Variants in MRPS26 observed in about 807,000 individuals in gnomAD.
MRPS26 encodes small ribosomal subunit protein mS26.
A neutral mutation model predicts 22.7 loss-of-function variants in MRPS26; 26 were observed. That is an observed-to-expected ratio of 1.15 (90% CI 0.84 to 1.59). MRPS26 has a LOEUF of 1.59. Ranked by LOEUF, MRPS26 falls within the 40% of genes most tolerant of loss-of-function variation. The pLI is 0.00. For synonymous variants in MRPS26, 120 were observed against 124.0 expected, an observed-to-expected ratio of 0.97 and a Z score of 0.22; for missense variants, 291 against 287.7, an observed-to-expected ratio of 1.01 and a Z score of -0.08.
At position 3,046,080 on chromosome 20, in the gene MRPS26, G is replaced by A; in HGVS notation, c.12G>A (p.Ala4=). Residue 4 remains alanine (A), a synonymous_variant, in exon 1 of 4, where the codon GCG becomes GCA. Transcript: ENST00000380325. ...GAGGAGACTCGGCCATGCTACGCGC[G>A]CTGAGCCGCCTGGGCGCGGGGACCC... MLR[A]LSRLGAGTPC... The A allele has an allele frequency of 6.6e-7, 1 of 1,520,476 alleles. No homozygotes were observed. The highest frequency in any genetic ancestry group is 2.5e-5 in the East Asian group (1 of 40,128). The allele number at this position is 1,520,476 out of a possible 1,614,324, so 94.2% of individuals were successfully genotyped here.
At position 3,046,207 on chromosome 20, in the gene MRPS26, G is replaced by A. The variant is rs1460023494; in HGVS notation, c.139G>A (p.Ala47Thr). ...SKIERVNMPP[A>T]VDPAEFFVLM... ...GATCGAGCGAGTGAACATGCCGCCC[G>A]CGGTGGACCCTGCGGAGTTCTTCGT... Residue 47 changes from alanine (A) to threonine (T), a missense_variant, in exon 1 of 4, where the codon GCG becomes ACG. Physicochemically the swap from Ala to Thr is moderately conservative, Grantham distance 58. Coordinates refer to ENST00000380325, the MANE Select transcript of MRPS26 (RefSeq NM_030811.4). 1.9e-6 allele frequency: 3 copies of A among 1,602,916 alleles called. No individual in the cohort carries two copies. Among genetic ancestry groups the A allele is most frequent in the Non-Finnish European group, 2.5e-6 (3 of 1,179,606 alleles).
chr20:3,046,220 C>G lies in MRPS26; in HGVS notation c.152C>G (p.Ala51Gly), dbSNP rs755538163. 6.2e-7 allele frequency: 1 copy of G among 1,604,418 alleles called. No individual in the cohort carries two copies. Among genetic ancestry groups the G allele is most frequent in the Admixed American group, 1.7e-5 (1 of 59,990 alleles). ...RVNMPPAVDP[A>G]EFFVLMERYQ... Reference sequence around the variant, plus strand: ...AACATGCCGCCCGCGGTGGACCCTGCGGAGTTCTTCGTGCTGATGGAGCGT... The same window carrying G: ...AACATGCCGCCCGCGGTGGACCCTGGGGAGTTCTTCGTGCTGATGGAGCGT... Residue 51 changes from alanine (A) to glycine (G), a missense_variant, in exon 1 of 4, where the codon GCG becomes GGG. By Grantham distance (60) the Ala-to-Gly change is moderately conservative. Transcript: ENST00000380325.
Position 3,048,064 on chromosome 20 carries a change from T to A in MRPS26, c.*195T>A. ...AACGCAGTGCCCTGTTCTGCCGGTG[T>A]GTACAGCCTCAGCGCACCAGGAGAC... On this transcript the variant is annotated 3_prime_UTR_variant, in exon 4 of 4. Transcript: ENST00000380325. The surrounding 1 kb of genome is among the most constrained non-coding windows in gnomAD (Gnocchi z 4.1). 1.6e-6 allele frequency: 1 copy of A among 607,246 alleles called. No individual in the cohort carries two copies. The highest frequency in any genetic ancestry group is 2.7e-6 in the Non-Finnish European group (1 of 374,922). 37.6% of individuals were successfully genotyped at this position (607,246 alleles called of 1,614,324 possible). A position where few individuals can be genotyped will look rare whatever the true frequency, so the allele number is the denominator to read the frequency against.
rs369416067 is a variant in MRPS26, at chr20:3,046,339, A to T, written c.213-34A>T. 8.1e-6 allele frequency: 13 copies of T among 1,606,278 alleles called. No individual in the cohort carries two copies. In the East Asian group the frequency reaches 1.1e-4, roughly 14 times the overall value. The stretch of plus-strand genomic sequence containing the variant: ...CGCTGGTGACGGTGGGAGTGGGCGG[A>T]GAGGGTGCTGATTCCTGGCGCGTCT... On this transcript the variant is annotated intron_variant, in intron 1 of 3. Transcript: ENST00000380325.
intron 3 of MRPS26, 123 bp from the exon 4 acceptor site, chr20:3,047,612 A>C (rs112001554): frequency 1.5e-6 from 2 of 1,376,906 alleles, no homozygotes. Context: ...CCTGGGTTCC[A>C]GGCATGCTTC....
Position 3,046,743 on chromosome 20 carries a change from C to T in MRPS26, c.483+6C>T. The T allele has an allele frequency of 7.8e-6, 12 of 1,537,960 alleles. No individual in the cohort carries two copies. The highest frequency in any genetic ancestry group is 1.0e-5 in the Non-Finnish European group (12 of 1,144,318). ...GGGAAGTGCTGCAGCTGCAGGTGGG[C>T]AACGTCTCCGGAGGGTGGGACTCCA... On this transcript the variant is annotated splice_donor_region_variant and intron_variant, in intron 3 of 3. Coordinates refer to ENST00000380325, the MANE Select transcript of MRPS26 (RefSeq NM_030811.4).
chr20:3,047,983 C>A lies in MRPS26; in HGVS notation c.*114C>A. On this transcript the variant is annotated 3_prime_UTR_variant, in exon 4 of 4. Transcript: ENST00000380325. Reference sequence around the variant, plus strand: ...GCTTATGAGGAAGGTTCAGCCTTATCCAGCACAGCCTTCACGTTTTGCCCT... The same window carrying A: ...GCTTATGAGGAAGGTTCAGCCTTATACAGCACAGCCTTCACGTTTTGCCCT... 7.7e-7 allele frequency: 1 copy of A among 1,294,450 alleles called. No individual in the cohort carries two copies. The highest frequency in any genetic ancestry group is 1.0e-6 in the Non-Finnish European group (1 of 972,108). The allele number at this position is 1,294,450 out of a possible 1,614,324, so 80.2% of individuals were successfully genotyped here. A position where few individuals can be genotyped will look rare whatever the true frequency, so the allele number is the denominator to read the frequency against.
At position 3,046,075 on chromosome 20, in the gene MRPS26, C is replaced by G. The variant is rs762334650; in HGVS notation, c.7C>G (p.Arg3Gly). 5.6e-5 allele frequency: 84 copies of G among 1,512,638 alleles called. No individual in the cohort carries two copies. The Middle Eastern group carries it at 8.5e-4, about 15-fold the overall frequency. The allele number at this position is 1,512,638 out of a possible 1,614,324, so 93.7% of individuals were successfully genotyped here. A position where few individuals can be genotyped will look rare whatever the true frequency, so the allele number is the denominator to read the frequency against. The change falls in exon 1 of 4, where the codon CGC becomes GGC. Residue 3 changes from arginine (R) to glycine (G), a missense_variant. Transcript: ENST00000380325. ML[R>G]ALSRLGAGTP... ...GCAGTGAGGAGACTCGGCCATGCTA[C>G]GCGCGCTGAGCCGCCTGGGCGCGGG...
rs538846585 is a variant in MRPS26, at chr20:3,047,190, C to T, written c.483+453C>T. ...CCGAAGCGGGCGTATCACTTGAGGT[C>T]GGGAGTTCGAGTCCAGCCTGGCCAA... On this transcript the variant is annotated intron_variant, in intron 3 of 3. Coordinates refer to ENST00000380325, the MANE Select transcript of MRPS26 (RefSeq NM_030811.4). 2.6e-5 allele frequency among the ~76,000 whole-genome samples: 4 copies of T among 152,132 alleles called. No individual in the cohort carries two copies. In the South Asian group the frequency reaches 8.3e-4, roughly 32 times the overall value.
At position 3,046,706 on chromosome 20, in the gene MRPS26, A is replaced by T; in HGVS notation, c.452A>T (p.Gln151Leu). 6.5e-7 allele frequency: 1 copy of T among 1,544,594 alleles called. No homozygotes were observed. Among genetic ancestry groups the T allele is most frequent in the Non-Finnish European group, 8.7e-7 (1 of 1,146,290 alleles). The change falls in exon 3 of 4, where the codon CAG becomes CTG. Residue 151 changes from glutamine (Q) to leucine (L), a missense_variant. By Grantham distance (113) the Gln-to-Leu change is moderately radical (BLOSUM62 -2). Coordinates refer to ENST00000380325, the MANE Select transcript of MRPS26 (RefSeq NM_030811.4). ...GCCGAAGAGGTGCAGGCCTGGGCGC[A>T]GCGCAAGGAGCGGGAAGTGCTGCAG... ...RKAEEVQAWAQRKEREVLQLQ... is the reference protein window; with the variant it reads ...RKAEEVQAWALRKEREVLQLQ...
rs1355091766 is a variant in MRPS26, at chr20:3,046,130, TGCTGCCAGCGCGCG to T, written c.65_78del (p.Leu22ProfsTer184). 1 of 1,588,302 alleles carries T rather than the reference TGCTGCCAGCGCGCG, an allele frequency of 6.3e-7. No homozygotes were observed. The highest frequency in any genetic ancestry group is 8.5e-7 in the Non-Finnish European group (1 of 1,175,360). ...CCGTGCAGGCCCCGGGCCCCTCTGG[TGCTGCCAGCGCGCG>T]GCCGCAAGACCCGCCACGACCCGCT... On this transcript the variant is annotated frameshift_variant, in exon 1 of 4. Transcript: ENST00000380325. LOFTEE classifies it high-confidence loss of function.
chr20:3,046,691 T>TG lies in MRPS26; in HGVS notation c.438dup (p.Gln147AlafsTer64). 6.5e-7 allele frequency: 1 copy of TG among 1,545,676 alleles called. No homozygotes were observed. Among genetic ancestry groups the TG allele is most frequent in the Non-Finnish European group, 8.7e-7 (1 of 1,146,540 alleles). On this transcript the variant is annotated frameshift_variant, in exon 3 of 4. Coordinates refer to ENST00000380325, the MANE Select transcript of MRPS26 (RefSeq NM_030811.4). LOFTEE classifies it high-confidence loss of function. ...GAGCAGGCCCGCAAGGCCGAAGAGG[T>TG]GCAGGCCTGGGCGCAGCGCAAGGAG...
rs778372833 is a variant in MRPS26, at chr20:3,046,230, C to G, written c.162C>G (p.Phe54Leu). Residue 54 changes from phenylalanine (F) to leucine (L), a missense_variant, in exon 1 of 4, where the codon TTC (phenylalanine) becomes TTG (leucine). Phe to Leu is a conservative substitution (Grantham distance 22). Transcript: ENST00000380325. ...CCGCGGTGGACCCTGCGGAGTTCTT[C>G]GTGCTGATGGAGCGTTACCAGCACT... ...MPPAVDPAEFFVLMERYQHYR... is the reference protein window; with the variant it reads ...MPPAVDPAEFLVLMERYQHYR... 1.0e-5 allele frequency: 16 copies of G among 1,605,564 alleles called. No homozygotes were observed. Among genetic ancestry groups the G allele is most frequent in the Non-Finnish European group, 1.2e-5 (14 of 1,179,630 alleles).
At position 3,046,468 on chromosome 20, in the gene MRPS26, G is replaced by A; in HGVS notation, c.308G>A (p.Arg103His). The A allele has an allele frequency of 6.3e-7, 1 of 1,588,450 alleles. No homozygotes were observed. The highest frequency in any genetic ancestry group is 1.8e-5 in the Admixed American group (1 of 55,728). The change falls in exon 2 of 4, where the codon CGC (arginine) becomes CAC (histidine). Residue 103 changes from arginine to histidine, a missense_variant. By Grantham distance (29) the Arg-to-His change is conservative. Coordinates refer to ENST00000380325, the MANE Select transcript of MRPS26 (RefSeq NM_030811.4). ...RKALKDAAEH[R>H]ELMAWNQAEN... The stretch of plus-strand genomic sequence containing the variant: ...GCCCTGAAGGACGCCGCCGAGCACC[G>A]CGAGCTGATGGCCTGGAACCAGGCG...
In MRPS26 at chr20:3,046,299, G is replaced by T. The variant is rs755448458; in HGVS notation, c.212+19G>T. On this transcript the variant is annotated intron_variant, in intron 1 of 3. Transcript: ENST00000380325. ...CCCTCAGGTGTGCGGCCGGGGGGAG[G>T]TGGCCGCCCGCGCGCGCTGGTGACG... The T allele has an allele frequency of 3.7e-6, 6 of 1,604,312 alleles. No homozygotes were observed. Among genetic ancestry groups the T allele is most frequent in the African/African-American group, 2.7e-5 (2 of 74,698 alleles).
Position 3,047,743 on chromosome 20 carries a change from G to A in MRPS26, c.492G>A (p.Val164=). 1 of 1,613,720 alleles carries A rather than the reference G, an allele frequency of 6.2e-7. No individual in the cohort carries two copies. Among genetic ancestry groups the A allele is most frequent in the Non-Finnish European group, 8.5e-7 (1 of 1,179,828 alleles). The change falls in exon 4 of 4, where the codon GTG becomes GTA. Residue 164 remains valine (V), a synonymous_variant. Coordinates refer to ENST00000380325, the MANE Select transcript of MRPS26 (RefSeq NM_030811.4). ...CTTTTCTCTCCCGATAGGAAGAGGT[G>A]AAAAACTTCATCACCCGAGAGAACC... ...EREVLQLQEE[V]KNFITRENLE...
At chr20:3,047,248 C>T (rs1221553464) in intron 3 of MRPS26, among the ~76,000 whole-genome samples, 4 of 152,042 alleles carry the variant, frequency 2.6e-5, no homozygotes, top group African/African-American at 9.7e-5. Context: ...AAAAATTAGC[C>T]GGGCGTGGTG....
chr20:3,047,801 C>A lies in MRPS26; in HGVS notation c.550C>A (p.Arg184=). Residue 184 remains arginine, a synonymous_variant, in exon 4 of 4, where the codon CGG becomes AGG. Coordinates refer to ENST00000380325, the MANE Select transcript of MRPS26 (RefSeq NM_030811.4). ...EARVEAALDS[R]KNYNWAITRE... is the part of the protein sequence containing the mutation. The stretch of plus-strand genomic sequence containing the variant: ...ACGGGTGGAAGCAGCATTGGACTCC[C>A]GGAAGAACTACAACTGGGCCATCAC... The A allele has an allele frequency of 1.2e-6, 2 of 1,613,716 alleles. No individual in the cohort carries two copies. Among genetic ancestry groups the A allele is most frequent in the Non-Finnish European group, 1.7e-6 (2 of 1,179,832 alleles).
intron 3 of MRPS26, among the ~76,000 whole-genome samples, chr20:3,046,996 T>C (rs2065992398): frequency 6.6e-6 from 1 of 152,198 alleles, no homozygotes; most frequent in Non-Finnish European, 1.5e-5. Flanking sequence ...TAACAGGTGA[T>C]GAAGCCATGA....
Sources: allele counts gnomAD v4.1 joint callset (sites outside exome capture counted in the v4.1 genomes callset), GRCh38; gene constraint gnomAD v4.1.1; non-coding constraint Gnocchi (gnomAD v3.1); transcripts MANE v1.5; gene names NCBI Gene and HGNC (gene_info 2026-07-23, HGNC 2026-07-21).